Variants in SOX5 observed in about 807,000 individuals in gnomAD.
SOX5 encodes SRY-box transcription factor 5.
SOX5 carries 9 observed loss-of-function variants against 92.0 expected under a neutral mutation model. That is an observed-to-expected ratio of 0.10 (90% CI 0.06 to 0.17). The LOEUF (loss-of-function observed/expected upper bound fraction) is 0.17. Ranked by LOEUF, SOX5 falls within the 10% of genes least tolerant of loss-of-function variation. The pLI, the probability that SOX5 is intolerant of heterozygous loss-of-function variation, is 1.00. For missense variants in SOX5, 642 were observed against 944.5 expected, an observed-to-expected ratio of 0.68 and a Z score of 4.20; for synonymous variants, 344 against 336.3, an observed-to-expected ratio of 1.02 and a Z score of -0.25.
At chr12:23,685,588 T>C (rs1566966858) in intron 6 of SOX5, among the ~76,000 whole-genome samples, 1 of 152,014 alleles carries the variant, frequency 6.6e-6, no homozygotes, top group South Asian at 2.1e-4. Flanking sequence ...GAACCTTACA[T>C]GGTTTCTCAT....
At chr12:24,190,995 TTTC>T (rs1222281762) in intron 4 of SOX5, among the ~76,000 whole-genome samples, 3 of 152,292 alleles carry the variant, frequency 2.0e-5, no homozygotes, top group South Asian at 2.1e-4. Context: ...ATTACATGAA[TTTC>T]TTCTTCTTTT....
chr12:23,810,862 T>C (rs1206016622), intron 3 of SOX5, among the ~76,000 whole-genome samples: 1 of 152,194 alleles, frequency 6.6e-6, no homozygotes, highest in Non-Finnish European at 1.5e-5. Context: ...TCTCTTGGGT[T>C]AATTAATATA....
intron 1 of SOX5, among the ~76,000 whole-genome samples, chr12:23,914,496 C>A (rs1289407480): frequency 2.0e-5 from 3 of 151,976 alleles, no homozygotes; most frequent in Non-Finnish European, 2.9e-5. Flanking sequence ...ATTTTATTTC[C>A]TTAAAAATAA....
At chr12:24,381,479 A>C (rs890623747) in intron 1 of SOX5, among the ~76,000 whole-genome samples, 2 of 152,224 alleles carry the variant, frequency 1.3e-5, no homozygotes, top group Admixed American at 1.3e-4. Flanking sequence ...TGGATTAATT[A>C]AATCACATGG....
At chr12:24,214,660 T>C (rs2139717218) in intron 3 of SOX5, among the ~76,000 whole-genome samples, 1 of 152,180 alleles carries the variant, frequency 6.6e-6, no homozygotes, top group Non-Finnish European at 1.5e-5. Context: ...GGTCCTATAT[T>C]ATCAACCAGA....
chr12:23,555,910 T>TAGAC (rs1464839446), intron 11 of SOX5, among the ~76,000 whole-genome samples: 1 of 152,164 alleles, frequency 6.6e-6, no homozygotes, highest in Admixed American at 6.5e-5. Flanking sequence ...CAAAAGGCTA[T>TAGAC]AGACAGCCTA....
intron 4 of SOX5, among the ~76,000 whole-genome samples, chr12:24,004,968 G>A (rs1243739553): frequency 6.6e-6 from 1 of 152,074 alleles, no homozygotes; most frequent in African/African-American, 2.4e-5. Flanking sequence ...CTAAAACTTG[G>A]AGTGAACTCA....
chr12:23,915,944 C>CACT (rs1339707685), intron 1 of SOX5, among the ~76,000 whole-genome samples: 1 of 152,118 alleles, frequency 6.6e-6, no homozygotes, highest in Non-Finnish European at 1.5e-5. Flanking sequence ...GAACTTGCTG[C>CACT]ACTAGCATTG....
At chr12:24,388,811 G>A (rs1015043777) in intron 1 of SOX5, among the ~76,000 whole-genome samples, 1 of 151,926 alleles carries the variant, frequency 6.6e-6, no homozygotes, top group Non-Finnish European at 1.5e-5. Flanking sequence ...TGTACTTTCT[G>A]TCTCTATATA....
At chr12:23,642,609 T>C (rs534239622) in intron 7 of SOX5, among the ~76,000 whole-genome samples, 1 of 152,282 alleles carries the variant, frequency 6.6e-6, no homozygotes, top group South Asian at 2.1e-4. Context: ...GTGAGATCAA[T>C]GGGATTGGGG....
chr12:24,305,797 T>C (rs548093265), intron 2 of SOX5, among the ~76,000 whole-genome samples: 3 of 152,238 alleles, frequency 2.0e-5, no homozygotes, highest in Admixed American at 2.0e-4. Context: ...GGGTTTTACT[T>C]TGTTGCCCAC....
chr12:24,430,542 C>CCA (rs1219559178), intron 1 of SOX5, among the ~76,000 whole-genome samples: 2 of 151,462 alleles, frequency 1.3e-5, no homozygotes, highest in Non-Finnish European at 2.9e-5. Context: ...TGAAAAGAAA[C>CCA]CACACACACA....
chr12:23,822,511 C>T (rs1459732707), intron 3 of SOX5, among the ~76,000 whole-genome samples: 1 of 151,990 alleles, frequency 6.6e-6, no homozygotes, highest in Non-Finnish European at 1.5e-5. Context: ...CCATTTTTTG[C>T]ATTTGCTGAG....
At chr12:24,116,950 C>T (rs1431512812) in intron 4 of SOX5, among the ~76,000 whole-genome samples, 5 of 145,976 alleles carry the variant, frequency 3.4e-5, no homozygotes, top group Non-Finnish European at 7.5e-5. Flanking sequence ...ATTTCTAAAA[C>T]TTTATCCAAT....
chr12:24,041,995 AG>A (rs1408885447), intron 4 of SOX5, among the ~76,000 whole-genome samples: 1 of 152,246 alleles, frequency 6.6e-6, no homozygotes, highest in East Asian at 1.9e-4. Context: ...TTAATCATTA[AG>A]GTTGTTTGTT....
chr12:23,973,246 C>T (rs1182552430), intron 4 of SOX5, among the ~76,000 whole-genome samples: 1 of 148,764 alleles, frequency 6.7e-6, no homozygotes, highest in Admixed American at 6.8e-5. Context: ...ACTGCAACCT[C>T]TGCCTCCTGG....
intron 3 of SOX5, among the ~76,000 whole-genome samples, chr12:24,244,210 T>TA (rs1040399831): frequency 2.0e-5 from 3 of 152,230 alleles, no homozygotes; most frequent in African/African-American, 7.2e-5. Context: ...CCATGTAATT[T>TA]AGAGTAGATC....
intron 4 of SOX5, among the ~76,000 whole-genome samples, chr12:24,096,296 TA>T (rs1945409179): frequency 6.6e-6 from 1 of 152,130 alleles, no homozygotes; most frequent in Non-Finnish European, 1.5e-5. Context: ...CTTACTGTGG[TA>T]AAATACACAC....
chr12:23,813,926 A>G lies in SOX5; in HGVS notation c.481+32057T>C, dbSNP rs539285425. ...TTTAATCAGCCTGTCATATGCGGCA[A>G]AATAAGGGCGATATTTTTTCATTAA... On this transcript the variant is annotated intron_variant, in intron 3 of 14. Coordinates refer to ENST00000451604, the MANE Select transcript of SOX5 (RefSeq NM_006940.6). Among the ~76,000 whole-genome samples the G allele has an allele frequency of 1.6e-4, 25 of 152,328 alleles. No homozygotes were observed. The East Asian group carries it at 2.7e-3, about 16-fold the overall frequency.
Sources: gnomAD v4.1 joint callset for allele counts (sites outside exome capture counted in the v4.1 genomes callset) on GRCh38, gnomAD v4.1.1 for gene constraint, MANE v1.5 for transcripts, NCBI Gene and HGNC (gene_info 2026-07-23, HGNC 2026-07-21) for gene names.